RNF214: variants seen among roughly 807,000 people sequenced by gnomAD.
RNF214 encodes the protein ring finger protein 214.
Under a neutral mutation model 75.9 loss-of-function variants are expected in RNF214, and 25 were observed. The observed-to-expected ratio is 0.33, with a 90% CI of 0.24 to 0.46. The LOEUF is 0.46. RNF214 is among the 20% of genes least tolerant of loss of function. The pLI, the probability that RNF214 is intolerant of heterozygous loss-of-function variation, is 1.00. For missense variants in RNF214, 725 were observed against 857.5 expected (o/e 0.85, Z 1.93); for synonymous variants, 314 against 308.8 (o/e 1.02, Z -0.18).
chr11:117,281,087 A>G (rs1330930079), intron 8 of RNF214, among the ~76,000 whole-genome samples: 3 of 141,488 alleles, frequency 2.1e-5, no homozygotes, highest in African/African-American at 8.1e-5. Flanking sequence ...CCATCCTCCT[A>G]CCTCAGCCTG....
In RNF214 at chr11:117,244,432, T is replaced by C. The variant is rs368710917; in HGVS notation, c.679-13T>C. On this transcript the variant is annotated splice_polypyrimidine_tract_variant and intron_variant, in intron 4 of 14. Transcript: ENST00000300650. ...AATTAGGAAATAAGCTTTTCTTGTC[T>C]TGTTCATAATAGGATAAAATGATGA... 2.5e-6 allele frequency: 4 copies of C among 1,603,216 alleles called. No homozygotes were observed. In the African/African-American group the frequency reaches 5.4e-5, roughly 22 times the overall value.
chr11:117,254,336 C>T (rs1195399958), intron 6 of RNF214, among the ~76,000 whole-genome samples: 1 of 152,038 alleles, frequency 6.6e-6, no homozygotes, highest in African/African-American at 2.4e-5. Context: ...CTTGAATGTA[C>T]TTGAATGTCC....
chr11:117,273,882 G>A (rs532657808), intron 6 of RNF214, among the ~76,000 whole-genome samples: 3 of 152,312 alleles, frequency 2.0e-5, no homozygotes, highest in African/African-American at 7.2e-5. Context: ...CCTTCAGACA[G>A]GCTGATGTCA....
chr11:117,249,988 G>A (rs960523261), intron 6 of RNF214, among the ~76,000 whole-genome samples: 7 of 152,180 alleles, frequency 4.6e-5, no homozygotes, highest in African/African-American at 1.7e-4. Context: ...TGTTCAGCCA[G>A]CATTTATTGA....
intron 6 of RNF214, among the ~76,000 whole-genome samples, chr11:117,277,199 C>T (rs1425016439): frequency 6.6e-6 from 1 of 151,918 alleles, no homozygotes. Context: ...AAAAATTAGC[C>T]AGATGTGGTG....
intron 6 of RNF214, among the ~76,000 whole-genome samples, chr11:117,267,578 A>G (rs2033822871): frequency 6.6e-6 from 1 of 151,850 alleles, no homozygotes; most frequent in Non-Finnish European, 1.5e-5. Context: ...AAAAAAAGAA[A>G]ATTAGCCGAG....
chr11:117,233,631 T>C (rs1322609341), intron 1 of RNF214, among the ~76,000 whole-genome samples: 1 of 152,220 alleles, frequency 6.6e-6, no homozygotes, highest in Non-Finnish European at 1.5e-5. Context: ...TACCTTGACT[T>C]TTTCACGCTA....
At chr11:117,278,561 C>G (rs1243670459) in intron 6 of RNF214, among the ~76,000 whole-genome samples, 2 of 152,114 alleles carry the variant, frequency 1.3e-5, no homozygotes, top group Non-Finnish European at 2.9e-5. Flanking sequence ...TGAAAGTCAT[C>G]CATCCTGGGA....
chr11:117,238,129 T>C (rs1013135269), intron 2 of RNF214, among the ~76,000 whole-genome samples: 1 of 152,162 alleles, frequency 6.6e-6, no homozygotes, highest in Non-Finnish European at 1.5e-5. Context: ...AGAACCCAGG[T>C]TTTTGGCCAG....
At chr11:117,277,907 G>A (rs1345335014) in intron 6 of RNF214, among the ~76,000 whole-genome samples, 1 of 151,846 alleles carries the variant, frequency 6.6e-6, no homozygotes, top group Non-Finnish European at 1.5e-5. Context: ...CTGAGAGGTG[G>A]AGGCTGCAGT....
chr11:117,246,080 C>G (rs1238688918), intron 5 of RNF214, among the ~76,000 whole-genome samples: 1 of 152,092 alleles, frequency 6.6e-6, no homozygotes, highest in Non-Finnish European at 1.5e-5. Flanking sequence ...ATCCTTCCAC[C>G]TCAGCCTCTC....
rs545046186 is a variant in RNF214, at chr11:117,285,248, C to T, written c.*97C>T. 3.8e-6 allele frequency: 3 copies of T among 791,090 alleles called. No homozygotes were observed. Among genetic ancestry groups the T allele is most frequent in the African/African-American group, 1.7e-5 (1 of 58,074 alleles). The allele number at this position is 791,090 out of a possible 1,614,324, so 49.0% of individuals were successfully genotyped here. A position where few individuals can be genotyped will look rare whatever the true frequency, so the allele number is the denominator to read the frequency against. ...CTCTATATTTATACAGTGACATATA[C>T]TCATGCCATGTACATTTTTATTATA... On this transcript the variant is annotated 3_prime_UTR_variant, in exon 15 of 15. Transcript: ENST00000300650.
At position 117,262,106 on chromosome 11, in the gene RNF214, G is replaced by A. The variant is rs143802166; in HGVS notation, c.959+15158G>A. On this transcript the variant is annotated intron_variant, in intron 6 of 14. Coordinates refer to ENST00000300650, the MANE Select transcript of RNF214 (RefSeq NM_207343.4). ...TTTTTTGAGATACGAGTCTGGCTCC[G>A]TCCCCCAGGCTGGAGTGCAGTGGTG... Among the ~76,000 whole-genome samples the A allele has an allele frequency of 2.8e-4, 41 of 146,570 alleles. No individual in the cohort carries two copies. In the East Asian group the frequency reaches 5.2e-3, roughly 19 times the overall value.
chr11:117,262,738 A>G lies in RNF214; in HGVS notation c.959+15790A>G, dbSNP rs548900502. Among the ~76,000 whole-genome samples the G allele has an allele frequency of 1.2e-4, 10 of 80,566 alleles. No homozygotes were observed. In the Admixed American group the frequency reaches 1.3e-3, roughly 11 times the overall value. 52.9% of individuals were successfully genotyped at this position (80,566 alleles called of 152,430 possible). On this transcript the variant is annotated intron_variant, in intron 6 of 14. Coordinates refer to ENST00000300650, the MANE Select transcript of RNF214 (RefSeq NM_207343.4). ...GTGTGTGTGTGTGTGTGTGTGTTTA[A>G]TTTTTAAAATTTAGTTATATCAGTT...
At position 117,270,241 on chromosome 11, in the gene RNF214, CTTTTTTTTTTTTT is replaced by C. The variant is rs57144374; in HGVS notation, c.960-9653_960-9641del. Among the ~76,000 whole-genome samples, 7 of 75,872 alleles carry C rather than the reference CTTTTTTTTTTTTT, an allele frequency of 9.2e-5. 1 individual carries two copies. The highest frequency in any genetic ancestry group is 3.4e-4 in the African/African-American group (6 of 17,764). 49.8% of individuals were successfully genotyped at this position (75,872 alleles called of 152,430 possible). On this transcript the variant is annotated intron_variant, in intron 6 of 14. Transcript: ENST00000300650. Reference sequence around the variant, plus strand: ...TTTCAATTTTCTTTTCTTTTCTTTTCTTTTTTTTTTTTTTTTTTTTTTTTTTGAGTCAGGGTCT... The same window carrying C: ...TTTCAATTTTCTTTTCTTTTCTTTTCTTTTTTTTTTTTTGAGTCAGGGTCT...
intron 4 of RNF214, 64 bp from the exon 5 acceptor site, chr11:117,244,381 G>A: frequency 1.4e-6 from 2 of 1,402,020 alleles, no homozygotes; most frequent in South Asian, 2.4e-5. Flanking sequence ...CCTTGGACAG[G>A]CACTGGTGAA....
At chr11:117,235,707 C>T (rs985411674) in intron 2 of RNF214, among the ~76,000 whole-genome samples, 12 of 151,830 alleles carry the variant, frequency 7.9e-5, no homozygotes, top group African/African-American at 2.7e-4. Context: ...GGTTTTGCCA[C>T]GTTGGCCAGA....
intron 4 of RNF214, among the ~76,000 whole-genome samples, chr11:117,240,577 A>G (rs1271295732): frequency 6.6e-6 from 1 of 151,510 alleles, no homozygotes; most frequent in Non-Finnish European, 1.5e-5. Flanking sequence ...AATCCCAGCT[A>G]CTCGGGAGGC....
intron 6 of RNF214, among the ~76,000 whole-genome samples, chr11:117,260,507 T>C (rs2033630852): frequency 6.6e-6 from 1 of 152,172 alleles, no homozygotes; most frequent in Non-Finnish European, 1.5e-5. Flanking sequence ...TACTTGTCTA[T>C]ATACTACATT....
Sources: allele counts gnomAD v4.1 joint callset (sites outside exome capture counted in the v4.1 genomes callset), GRCh38; gene constraint gnomAD v4.1.1; transcripts MANE v1.5; gene names NCBI Gene and HGNC (gene_info 2026-07-23, HGNC 2026-07-21).